CACNA1I: variants seen among roughly 807,000 people sequenced by gnomAD.
CACNA1I encodes the protein calcium voltage-gated channel subunit alpha1 I, also known as voltage-dependent T-type calcium channel subunit alpha-1I.
In CACNA1I, 74 loss-of-function variants were observed where a neutral mutation model predicts 201.6. The observed-to-expected ratio is 0.37, with a 90% CI of 0.30 to 0.45. The LOEUF (loss-of-function observed/expected upper bound fraction) is 0.45. Among genes scored for constraint, CACNA1I ranks in the 20% least tolerant of loss-of-function variants. CACNA1I has a pLI of 1.00. For missense variants in CACNA1I, 2,346 were observed against 3,138.1 expected, an observed-to-expected ratio of 0.75 and a Z score of 6.03; for synonymous variants, 1,431 against 1,345.2, an observed-to-expected ratio of 1.06 and a Z score of -1.40.
intron 3 of CACNA1I, among the ~76,000 whole-genome samples, chr22:39,605,099 C>T (rs1024706314): frequency 1.3e-5 from 2 of 149,462 alleles, no homozygotes; most frequent in Admixed American, 6.7e-5. Flanking sequence ...TGCCCACCCA[C>T]CCCCCAAATC....
intron 34 of CACNA1I, among the ~76,000 whole-genome samples, chr22:39,682,207 A>G (rs1909408134): frequency 6.6e-6 from 1 of 152,114 alleles, no homozygotes; most frequent in South Asian, 2.1e-4. Context: ...TCGTGTGGCC[A>G]CTCAGCCTGT....
chr22:39,635,844 T>C (rs136815), intron 5 of CACNA1I, among the ~76,000 whole-genome samples: 143,300 of 152,196 alleles, frequency 0.94, 67,556 homozygotes, highest in East Asian at 1. Context: ...TCAGCCCACC[T>C]GACACCTCCT....
At chr22:39,577,726 G>T (rs1007415860) in intron 1 of CACNA1I, among the ~76,000 whole-genome samples, 5 of 152,266 alleles carry the variant, frequency 3.3e-5, no homozygotes, top group Non-Finnish European at 7.3e-5. Flanking sequence ...CAGCGTGCCG[G>T]CTGAGGGCCT....
rs1430690376 is a variant in CACNA1I, at chr22:39,601,868, TC to T, written c.482+1217del. Among the ~76,000 whole-genome samples the T allele has an allele frequency of 6.1e-3, 286 of 46,658 alleles. 6 individuals carry two copies. Among genetic ancestry groups the T allele is most frequent in the African/African-American group, 0.027 (277 of 10,176 alleles). 30.6% of individuals were successfully genotyped at this position (46,658 alleles called of 152,430 possible). A position where few individuals can be genotyped will look rare whatever the true frequency, so the allele number is the denominator to read the frequency against. ...CTCCCTCCCTCCCTCCTTCCTTCCT[TC>T]CTTCCTTCTCTCTCTTTCTTTCACC... On this transcript the variant is annotated intron_variant, in intron 3 of 36. Transcript: ENST00000402142.
At chr22:39,593,856 T>C (rs1429271756) in intron 1 of CACNA1I, among the ~76,000 whole-genome samples, 6 of 152,316 alleles carry the variant, frequency 3.9e-5, no homozygotes, top group Non-Finnish European at 8.8e-5. Context: ...ATGGGGCTTA[T>C]AAAAGAGCTG....
chr22:39,590,736 C>T (rs1932811140), intron 1 of CACNA1I, among the ~76,000 whole-genome samples: 1 of 152,246 alleles, frequency 6.6e-6, no homozygotes. Context: ...GCCTTAGTTT[C>T]CTTTCCTGTG....
intron 1 of CACNA1I, among the ~76,000 whole-genome samples, chr22:39,585,894 C>T (rs1932736815): frequency 6.6e-6 from 1 of 151,832 alleles, no homozygotes; most frequent in African/African-American, 2.4e-5. Context: ...TAAAAAAATG[C>T]ATTTGACCTG....
In CACNA1I at chr22:39,574,735, C is replaced by T. The variant is rs545668937; in HGVS notation, c.236+3747C>T. ...TCACATGTCTAGACCCTGCAAAGGG[C>T]GACTCTTTCCCCCACTGAGAACCCA... is the stretch of plus-strand genomic sequence containing the variant. On this transcript the variant is annotated intron_variant, in intron 1 of 36. Transcript: ENST00000402142. 4.6e-5 allele frequency among the ~76,000 whole-genome samples: 7 copies of T among 152,296 alleles called. No homozygotes were observed. The East Asian group carries it at 1.4e-3, about 29-fold the overall frequency.
intron 1 of CACNA1I, among the ~76,000 whole-genome samples, chr22:39,576,601 T>A (rs1024984924): frequency 6.6e-6 from 1 of 152,204 alleles, no homozygotes; most frequent in Non-Finnish European, 1.5e-5. Flanking sequence ...GAAGCAGTGA[T>A]GCATAGTGCG....
At chr22:39,675,910 C>T (rs546373461) in intron 29 of CACNA1I, among the ~76,000 whole-genome samples, 3 of 152,318 alleles carry the variant, frequency 2.0e-5, no homozygotes, top group South Asian at 4.1e-4. Flanking sequence ...GGGGCCAGGT[C>T]ACAGCACACC....
At position 39,660,395 on chromosome 22, in the gene CACNA1I, G is replaced by A; in HGVS notation, c.2656G>A (p.Glu886Lys). ...SDEDQSSSNI[E>K]EFDKLQEGLD... ...CGAGGACCAGAGCTCATCCAACATA[G>A]AAGAGTTTGATAAGCTCCAGGAAGG... Residue 886 changes from glutamate to lysine, a missense_variant, in exon 15 of 37, where the codon GAA becomes AAA. Glu to Lys is a moderately conservative substitution (Grantham distance 56). Transcript: ENST00000402142. 1 of 1,612,856 alleles carries A rather than the reference G, an allele frequency of 6.2e-7. No homozygotes were observed. Among genetic ancestry groups the A allele is most frequent in the Non-Finnish European group, 8.5e-7 (1 of 1,179,684 alleles).
intron 4 of CACNA1I, among the ~76,000 whole-genome samples, chr22:39,619,922 C>A (rs1933677079): frequency 1.3e-5 from 2 of 151,902 alleles, no homozygotes; most frequent in Non-Finnish European, 2.9e-5. Flanking sequence ...CACCCGTCCA[C>A]CTATCCACCT....
chr22:39,586,493 A>AAAATAAATAAATAAATAAATAAAT (rs368933585), intron 1 of CACNA1I, among the ~76,000 whole-genome samples: 19 of 151,194 alleles, frequency 1.3e-4, no homozygotes, highest in African/African-American at 4.4e-4. Flanking sequence ...CTCCGTCTCT[A>AAAATAAATAAATAAATAAATAAAT]AAATAAATAA....
chr22:39,686,337 G>T lies in CACNA1I; in HGVS notation c.6604G>T (p.Ala2202Ser). 1 of 1,305,518 alleles carries T rather than the reference G, an allele frequency of 7.7e-7. No homozygotes were observed. The highest frequency in any genetic ancestry group is 1.6e-5 in the African/African-American group (1 of 63,778). The allele number at this position is 1,305,518 out of a possible 1,614,324, so 80.9% of individuals were successfully genotyped here. ...APLPMGLGPL[A>S]PPPQPLPGEL... ...GCTGCCCATGGGCCTGGGCCCCTTG[G>T]CGCCCCCGCCGCAACCGCTCCCCGG... is the stretch of plus-strand genomic sequence containing the variant. Residue 2202 changes from alanine (A) to serine (S), a missense_variant, in exon 37 of 37, where the codon GCG becomes TCG. Transcript: ENST00000402142.
intron 2 of CACNA1I, among the ~76,000 whole-genome samples, 152 bp from the exon 3 acceptor site, chr22:39,600,368 T>C (rs982526602): frequency 1.3e-5 from 2 of 152,094 alleles, no homozygotes; most frequent in Non-Finnish European, 2.9e-5. Flanking sequence ...CTGGGATCAC[T>C]GAGGTTCTCC....
At chr22:39,681,152 A>G (rs1369713823) in intron 34 of CACNA1I, 100 bp downstream of exon 34, 2 of 1,353,574 alleles carry the variant, frequency 1.5e-6, no homozygotes, top group Non-Finnish European at 2.0e-6. Flanking sequence ...TCTACCATGT[A>G]AACGGCACCC....
chr22:39,598,239 T>G lies in CACNA1I; in HGVS notation c.325T>G (p.Ser109Ala), dbSNP rs1932934718. ...YQPCDDMDCL[S>A]DRCKILQVFD... ...GCCGTGCGACGACATGGACTGCCTG[T>G]CCGACCGCTGCAAGATCCTGCAGGT... Residue 109 changes from serine to alanine, a missense_variant, in exon 2 of 37, where the codon TCC (serine) becomes GCC (alanine). Physicochemically the swap from Ser to Ala is moderately conservative, Grantham distance 99. Transcript: ENST00000402142. 6.2e-7 allele frequency: 1 copy of G among 1,601,658 alleles called. No homozygotes were observed. The highest frequency in any genetic ancestry group is 8.5e-7 in the Non-Finnish European group (1 of 1,174,968).
intron 3 of CACNA1I, among the ~76,000 whole-genome samples, chr22:39,601,700 G>T (rs572790310): frequency 6.6e-6 from 1 of 152,024 alleles, no homozygotes; most frequent in South Asian, 2.1e-4. Context: ...GACAGTCAGG[G>T]TGTGAGAATC....
chr22:39,616,750 G>A (rs1933547918), intron 3 of CACNA1I, among the ~76,000 whole-genome samples: 1 of 139,520 alleles, frequency 7.2e-6, no homozygotes, highest in African/African-American at 2.8e-5. Context: ...GGCAACAAGA[G>A]TGAAACTCTG....
Sources: allele counts gnomAD v4.1 joint callset (sites outside exome capture counted in the v4.1 genomes callset), GRCh38; gene constraint gnomAD v4.1.1; transcripts MANE v1.5; gene names NCBI Gene and HGNC (gene_info 2026-07-23, HGNC 2026-07-21).